Variants in KLF15 observed in about 807,000 individuals in gnomAD.
KLF15 encodes the protein Krueppel-like factor 15.
In KLF15, 4 loss-of-function variants were observed where a neutral mutation model predicts 24.6. The observed-to-expected ratio is 0.16, with a 90% CI of 0.08 to 0.37. KLF15 has a LOEUF of 0.37. Ranked by LOEUF, KLF15 falls within the 10% of genes least tolerant of loss-of-function variation. The pLI is 1.00. For synonymous variants in KLF15, 246 were observed against 236.3 expected (o/e 1.04, Z -0.37); for missense variants, 496 against 560.6 (o/e 0.88, Z 1.16).
Position 126,356,288 on chromosome 3 carries a change from T to G in KLF15, c.-26+949A>C, listed in dbSNP as rs2082631877. Among the ~76,000 whole-genome samples, 1 of 152,058 alleles carries G rather than the reference T, an allele frequency of 6.6e-6. No homozygotes were observed. Among genetic ancestry groups the G allele is most frequent in the South Asian group, 2.1e-4 (1 of 4,820 alleles). ...CAGGGTCTCCCCAGGGGCCACCTGGTCCGGGGGGACAGGGGGAAGGAGATT... is the reference window on the plus strand; with the variant it reads ...CAGGGTCTCCCCAGGGGCCACCTGGGCCGGGGGGACAGGGGGAAGGAGATT... On this transcript the variant is annotated intron_variant, in intron 1 of 2. Transcript: ENST00000296233. The surrounding 1 kb of genome is among the most constrained non-coding windows in gnomAD (Gnocchi z 4.4).
the KLF15 span, among the ~76,000 whole-genome samples, chr3:126,316,536 T>TGGGCAGGAGTAGGGGAGGGAGTACAC: frequency 8.9e-6 from 1 of 112,180 alleles, no homozygotes; most frequent in African/African-American, 3.9e-5. Flanking sequence ...AGGGAGTACA[T>TGGGCAGGAGTAGGGGAGGGAGTACAC]GGGCCGGAGT....
At chr3:126,328,094 C>T in the KLF15 span, among the ~76,000 whole-genome samples, 1 of 148,630 alleles carries the variant, frequency 6.7e-6, no homozygotes, top group Admixed American at 6.8e-5. Context: ...TTACTCTTCC[C>T]CCCAAGTCCC....
chr3:126,354,683 G>T (rs2082616161), intron 1 of KLF15, among the ~76,000 whole-genome samples: 1 of 152,208 alleles, frequency 6.6e-6, no homozygotes, highest in South Asian at 2.1e-4. Flanking sequence ...GTTTTAAAAT[G>T]CACCTATTCA....
chr3:126,330,487 C>T, the KLF15 span, among the ~76,000 whole-genome samples: 3 of 152,112 alleles, frequency 2.0e-5, no homozygotes, highest in South Asian at 2.1e-4. Flanking sequence ...ATAATTACAT[C>T]ATATGCGATA....
the KLF15 span, among the ~76,000 whole-genome samples, chr3:126,293,511 G>A: frequency 1.3e-5 from 2 of 152,160 alleles, no homozygotes; most frequent in African/African-American, 2.4e-5. Context: ...TCTGGCCTGT[G>A]TAAGCACACA....
At position 126,343,151 on chromosome 3, in the gene KLF15, T is replaced by TGGGGGGGGGG. The variant is rs1560035645; in HGVS notation, c.*575_*576insCCCCCCCCCC. ...ACATGAGGGCCCAGCGGCCCGGTCC[T>TGGGGGGGGGG]GCCCCCCCCCCCCCCCCCCCCCCCC... is the stretch of plus-strand genomic sequence containing the variant. On this transcript the variant is annotated 3_prime_UTR_variant, in exon 3 of 3. Coordinates refer to ENST00000296233, the MANE Select transcript of KLF15 (RefSeq NM_014079.4). 1 of 5,494 alleles carries TGGGGGGGGGG rather than the reference T, an allele frequency of 1.8e-4. No individual in the cohort carries two copies. The highest frequency in any genetic ancestry group is 5.8e-4 in the African/African-American group (1 of 1,718). 0.3% of individuals were successfully genotyped at this position (5,494 alleles called of 1,614,324 possible). A position where few individuals can be genotyped will look rare whatever the true frequency, so the allele number is the denominator to read the frequency against.
At chr3:126,307,045 T>C in the KLF15 span, among the ~76,000 whole-genome samples, 17 of 152,172 alleles carry the variant, frequency 1.1e-4, no homozygotes, top group Non-Finnish European at 2.1e-4. Flanking sequence ...ATCTTTCCAG[T>C]AAATGCTGCT....
At chr3:126,330,994 G>C in the KLF15 span, among the ~76,000 whole-genome samples, 40 of 152,314 alleles carry the variant, frequency 2.6e-4, no homozygotes, top group East Asian at 6.7e-3. Flanking sequence ...CCAGGCAGCA[G>C]AAGCTGGAAG....
chr3:126,309,258 A>C, the KLF15 span, among the ~76,000 whole-genome samples: 1 of 152,250 alleles, frequency 6.6e-6, no homozygotes, highest in East Asian at 1.9e-4. Flanking sequence ...TCTGAGAGGA[A>C]AGTGGAAGGA....
chr3:126,355,280 A>AG (rs1393515805), intron 1 of KLF15, among the ~76,000 whole-genome samples: 1 of 152,268 alleles, frequency 6.6e-6, no homozygotes, highest in Admixed American at 6.5e-5. Flanking sequence ...AAAGTACAGT[A>AG]GGGGGGCTGG....
At chr3:126,306,526 C>G in the KLF15 span, among the ~76,000 whole-genome samples, 2 of 152,368 alleles carry the variant, frequency 1.3e-5, no homozygotes, top group South Asian at 4.1e-4. Context: ...CTCAGGGCAA[C>G]CTTGGCCTCT....
At chr3:126,321,453 C>T in the KLF15 span, among the ~76,000 whole-genome samples, 1 of 152,264 alleles carries the variant, frequency 6.6e-6, no homozygotes, top group Non-Finnish European at 1.5e-5. Flanking sequence ...CTGCCCAGCA[C>T]CACTGAGTGC....
chr3:126,347,237 C>G (rs865911750), intron 2 of KLF15, among the ~76,000 whole-genome samples: 1 of 152,152 alleles, frequency 6.6e-6, no homozygotes, highest in East Asian at 1.9e-4. Context: ...CAGACAACAC[C>G]GCAAACAGTC....
chr3:126,331,521 G>A, the KLF15 span, among the ~76,000 whole-genome samples: 1 of 152,166 alleles, frequency 6.6e-6, no homozygotes, highest in East Asian at 1.9e-4. Flanking sequence ...AAGGGAATGT[G>A]TTCACCCTCC....
chr3:126,323,835 C>T, the KLF15 span, among the ~76,000 whole-genome samples: 3 of 151,534 alleles, frequency 2.0e-5, no homozygotes, highest in Non-Finnish European at 4.4e-5. Flanking sequence ...GTTTTCTGTT[C>T]CTGTGTTAGT....
Position 126,343,699 on chromosome 3 carries a change from G to T in KLF15, c.*28C>A, listed in dbSNP as rs745343254. 1.3e-5 allele frequency: 21 copies of T among 1,597,182 alleles called. No homozygotes were observed. The South Asian group carries it at 2.1e-4, about 16-fold the overall frequency. On this transcript the variant is annotated 3_prime_UTR_variant, in exon 3 of 3. Transcript: ENST00000296233. ...TGGGGATGGGGTGGGGATCCGGGGT[G>T]ACGGACAGGCTGGGGTTCAGGGCGC...
In KLF15 at chr3:126,356,999, G is replaced by C. The variant is rs1231503051; in HGVS notation, c.-26+238C>G. Among the ~76,000 whole-genome samples, 1 of 151,764 alleles carries C rather than the reference G, an allele frequency of 6.6e-6. No homozygotes were observed. The highest frequency in any genetic ancestry group is 1.5e-5 in the Non-Finnish European group (1 of 67,886). On this transcript the variant is annotated intron_variant, in intron 1 of 2. Coordinates refer to ENST00000296233, the MANE Select transcript of KLF15 (RefSeq NM_014079.4). This position sits in a 1 kb window ranked among gnomAD's most constrained non-coding sequence, Gnocchi z 4.4. ...CGGCCAGGCACCGAGGCGGCGGCGC[G>C]GGCCTCAGCAAAGTGCTGGTGGGCG...
chr3:126,309,058 A>G, the KLF15 span, among the ~76,000 whole-genome samples: 1 of 152,226 alleles, frequency 6.6e-6, no homozygotes, highest in African/African-American at 2.4e-5. Flanking sequence ...CAGGCATCAA[A>G]GGTGAGACAA....
chr3:126,343,146 GGTCCT>G lies in KLF15; in HGVS notation c.*576_*580del. On this transcript the variant is annotated 3_prime_UTR_variant, in exon 3 of 3. Transcript: ENST00000296233. ...CTCCCACATGAGGGCCCAGCGGCCC[GGTCCT>G]GCCCCCCCCCCCCCCCCCCCCCCCC... 1 of 44,682 alleles carries G rather than the reference GGTCCT, an allele frequency of 2.2e-5. No homozygotes were observed. 2.8% of individuals were successfully genotyped at this position (44,682 alleles called of 1,614,324 possible).
Sources: gnomAD v4.1 joint callset for allele counts (sites outside exome capture counted in the v4.1 genomes callset) on GRCh38, gnomAD v4.1.1 for gene constraint, Gnocchi (gnomAD v3.1) non-coding constraint, MANE v1.5 for transcripts, NCBI Gene and HGNC (gene_info 2026-07-23, HGNC 2026-07-21) for gene names.